Variants in FGGY observed in about 807,000 individuals in gnomAD.
FGGY encodes FGGY carbohydrate kinase domain containing, also known as FGGY carbohydrate kinase domain-containing protein.
In FGGY, 72 loss-of-function variants were observed where a neutral mutation model predicts 71.3. The ratio of observed to expected loss-of-function variants is 1.01; its 90% confidence interval spans 0.84 to 1.23. The LOEUF (loss-of-function observed/expected upper bound fraction) is 1.23. FGGY is among the 50% of genes most tolerant of loss of function. The pLI is 0.00. For synonymous variants in FGGY, 251 were observed against 250.3 expected (o/e 1.00, Z -0.02); for missense variants, 668 against 682.3 (o/e 0.98, Z 0.23).
At chr1:59,501,838 T>C (rs1048704701) in intron 6 of FGGY, among the ~76,000 whole-genome samples, 11 of 152,120 alleles carry the variant, frequency 7.2e-5, no homozygotes, top group Non-Finnish European at 1.3e-4. Flanking sequence ...AGCATATATC[T>C]CCACATGCTG....
At chr1:59,387,061 T>C (rs1179592835) in intron 5 of FGGY, among the ~76,000 whole-genome samples, 1 of 152,108 alleles carries the variant, frequency 6.6e-6, no homozygotes, top group African/African-American at 2.4e-5. Context: ...TGTGTGGTTC[T>C]CTGTGTTTTG....
chr1:59,588,195 G>A (rs71494204), intron 8 of FGGY, among the ~76,000 whole-genome samples: 18,537 of 151,988 alleles, frequency 0.12, 1,308 homozygotes, highest in South Asian at 0.3. Flanking sequence ...AGGGTATCAG[G>A]GATGGAAGAT....
chr1:59,624,190 T>C (rs537593923), intron 9 of FGGY, among the ~76,000 whole-genome samples: 1 of 152,266 alleles, frequency 6.6e-6, no homozygotes, highest in South Asian at 2.1e-4. Context: ...CCACAAAAAC[T>C]GCACCAATGG....
At chr1:59,731,541 T>C (rs2098029558) in intron 14 of FGGY, among the ~76,000 whole-genome samples, 1 of 152,122 alleles carries the variant, frequency 6.6e-6, no homozygotes, top group South Asian at 2.1e-4. Context: ...GTTGGGTGAT[T>C]AGCCAGTTCG....
chr1:59,472,631 G>A (rs1473563926), intron 6 of FGGY, among the ~76,000 whole-genome samples: 7 of 152,242 alleles, frequency 4.6e-5, no homozygotes, highest in Non-Finnish European at 1.0e-4. Context: ...TCTAGGTCAA[G>A]GTTTGTAAAC....
At chr1:59,728,298 G>T (rs987780450) in intron 14 of FGGY, among the ~76,000 whole-genome samples, 1 of 151,920 alleles carries the variant, frequency 6.6e-6, no homozygotes, top group Admixed American at 6.6e-5. Context: ...TGTAGTGCAG[G>T]TACCTTATAA....
intron 14 of FGGY, among the ~76,000 whole-genome samples, chr1:59,684,896 A>G (rs11800942): frequency 0.016 from 2,401 of 152,304 alleles, 70 homozygotes; most frequent in African/African-American, 0.055. Context: ...ATTTAGCACA[A>G]TGCCTATTCA....
At chr1:59,559,288 A>G (rs893454238) in intron 8 of FGGY, among the ~76,000 whole-genome samples, 1 of 152,218 alleles carries the variant, frequency 6.6e-6, no homozygotes, top group African/African-American at 2.4e-5. Flanking sequence ...TTGGCGTAAG[A>G]AATTATAAAA....
At chr1:59,710,849 T>G (rs2097788832) in intron 14 of FGGY, among the ~76,000 whole-genome samples, 2 of 152,170 alleles carry the variant, frequency 1.3e-5, no homozygotes, top group Non-Finnish European at 2.9e-5. Context: ...TTTGGGAATA[T>G]AAATTAGTTC....
chr1:59,424,602 A>G (rs1484946949), intron 5 of FGGY, among the ~76,000 whole-genome samples: 1 of 152,126 alleles, frequency 6.6e-6, no homozygotes, highest in African/African-American at 2.4e-5. Flanking sequence ...AAAATATGCA[A>G]TTTAGTTCAG....
chr1:59,471,071 C>T (rs1178245165), intron 6 of FGGY, among the ~76,000 whole-genome samples: 1 of 152,178 alleles, frequency 6.6e-6, no homozygotes, highest in Non-Finnish European at 1.5e-5. Flanking sequence ...ATATGGTTTG[C>T]CTCTGCATCC....
chr1:59,661,672 TA>T (rs1273977240), intron 12 of FGGY, among the ~76,000 whole-genome samples: 1 of 152,048 alleles, frequency 6.6e-6, no homozygotes, highest in African/African-American at 2.4e-5. Flanking sequence ...ATGATGATAA[TA>T]ATGAGTGAAT....
chr1:59,731,756 G>A (rs1573798621), intron 14 of FGGY, among the ~76,000 whole-genome samples: 2 of 152,154 alleles, frequency 1.3e-5, no homozygotes, highest in East Asian at 3.9e-4. Flanking sequence ...TAAAGTTGAG[G>A]CACTGAGTAA....
rs72915613 is a variant in FGGY at position 59,477,086 on chromosome 1, G to A, written c.670+20010G>A. ...ATCTCAGTTGGACATCTGACCTCAT[G>A]CCATTATTGTCATCCATTTAGAGGT... is the stretch of plus-strand genomic sequence containing the variant. On this transcript the variant is annotated intron_variant, in intron 6 of 15. Coordinates refer to ENST00000303721, the MANE Select transcript of FGGY (RefSeq NM_018291.5). Among the ~76,000 whole-genome samples, 1,107 of 152,254 alleles carry A rather than the reference G, an allele frequency of 7.3e-3. 11 individuals carry two copies. The highest frequency in any genetic ancestry group is 0.025 in the African/African-American group (1,034 of 41,534).
At chr1:59,586,395 G>A (rs11207483) in intron 8 of FGGY, among the ~76,000 whole-genome samples, 30,948 of 151,816 alleles carry the variant, frequency 0.2, 4,210 homozygotes, top group African/African-American at 0.38. Flanking sequence ...TTCTTAGTAA[G>A]CTATCGCAAG....
chr1:59,734,436 T>G lies in FGGY; in HGVS notation c.1513-23495T>G, dbSNP rs114794280. ...GCCAGACTGATCTAGAACTCCTGGC[T>G]CAAGCAATCCACCCACCTTGGCCTC... On this transcript the variant is annotated intron_variant, in intron 14 of 15. Transcript: ENST00000303721. Among the ~76,000 whole-genome samples, 422 of 152,250 alleles carry G rather than the reference T, an allele frequency of 2.8e-3. 1 individual carries two copies. Among genetic ancestry groups the G allele is most frequent in the Non-Finnish European group, 5.1e-3 (346 of 68,014 alleles).
At chr1:59,736,974 T>C (rs2098111497) in intron 14 of FGGY, among the ~76,000 whole-genome samples, 2 of 152,204 alleles carry the variant, frequency 1.3e-5, no homozygotes, top group South Asian at 4.1e-4. Context: ...ACCCCTGCTG[T>C]GTGCAGCCTC....
intron 12 of FGGY, among the ~76,000 whole-genome samples, 160 bp from the exon 13 acceptor site, chr1:59,667,121 CTG>C (rs2097332906): frequency 6.6e-6 from 1 of 152,202 alleles, no homozygotes; most frequent in Non-Finnish European, 1.5e-5. Flanking sequence ...ATTTAAGTAA[CTG>C]TGTGATCATA....
chr1:59,507,348 A>G (rs2094412638), intron 6 of FGGY, among the ~76,000 whole-genome samples: 1 of 152,146 alleles, frequency 6.6e-6, no homozygotes, highest in Admixed American at 6.5e-5. Context: ...GTATGAAGAA[A>G]CCTTTAGGCT....
Sources: allele counts gnomAD v4.1 joint callset (sites outside exome capture counted in the v4.1 genomes callset), GRCh38; gene constraint gnomAD v4.1.1; transcripts MANE v1.5; gene names NCBI Gene and HGNC (gene_info 2026-07-23, HGNC 2026-07-21).